The following KIF16B variants were observed in gnomAD, a reference collection of about 807,000 sequenced individuals.
KIF16B encodes kinesin-like protein KIF16B.
Under a neutral mutation model 156.3 loss-of-function variants are expected in KIF16B, and 98 were observed. The observed-to-expected ratio is 0.63, with a 90% CI of 0.53 to 0.74. The LOEUF (loss-of-function observed/expected upper bound fraction) is 0.74. Ranked by LOEUF, KIF16B falls within the 30% of genes least tolerant of loss-of-function variation. The probability of loss-of-function intolerance (pLI) is 0.00; values close to 1 mark genes in which losing one functional copy is unlikely to be tolerated. For synonymous variants in KIF16B, 564 were observed against 583.7 expected (o/e 0.97, Z 0.49); for missense variants, 1,421 against 1,606.5 (o/e 0.88, Z 1.97).
intron 7 of KIF16B, 25 bp downstream of exon 7, chr20:16,507,933 C>G: frequency 6.2e-7 from 1 of 1,613,492 alleles, no homozygotes; most frequent in South Asian, 1.1e-5. Context: ...GGGATGGAGC[C>G]AGCTGGTCCC....
At chr20:16,515,442 C>A in intron 4 of KIF16B, 106 bp downstream of exon 4, 1 of 624,080 alleles carries the variant, frequency 1.6e-6, no homozygotes, top group Non-Finnish European at 2.8e-6. Context: ...AAAGAATAAT[C>A]AGAACATGAA....
At chr20:16,374,499 G>A in intron 19 of KIF16B, 90 bp from the exon 20 acceptor site, 1 of 1,210,382 alleles carries the variant, frequency 8.3e-7, no homozygotes, top group Non-Finnish European at 1.1e-6. Context: ...TAGCATGGGG[G>A]AACAAGATCT....
intron 3 of KIF16B, among the ~76,000 whole-genome samples, chr20:16,524,885 A>G (rs1008666206): frequency 1.3e-5 from 2 of 152,216 alleles, no homozygotes; most frequent in African/African-American, 4.8e-5. Flanking sequence ...AGGGACTCGG[A>G]TGAAGCTGGA....
chr20:16,460,361 A>C (rs1302391711), intron 12 of KIF16B, among the ~76,000 whole-genome samples: 2 of 152,158 alleles, frequency 1.3e-5, no homozygotes, highest in Non-Finnish European at 2.9e-5. Context: ...CAGGTGGATC[A>C]CTTGAGGTTA....
At chr20:16,460,612 T>C (rs896380205) in intron 12 of KIF16B, among the ~76,000 whole-genome samples, 3 of 152,206 alleles carry the variant, frequency 2.0e-5, no homozygotes, top group African/African-American at 7.2e-5. Flanking sequence ...AAGCTGTCAT[T>C]TGAAAACAAA....
Position 16,336,020 on chromosome 20 carries a change from T to A in KIF16B, c.3622-5A>T, listed in dbSNP as rs773812823. On this transcript the variant is annotated splice_region_variant and splice_polypyrimidine_tract_variant and intron_variant, in intron 23 of 25. Transcript: ENST00000354981. ...TGTCTCATCTAGGACAGTAATCTAT[T>A]AACCAGGAAAACCAAAATGAATAAG... The A allele has an allele frequency of 3.2e-6, 5 of 1,572,130 alleles. No homozygotes were observed. The Admixed American group carries it at 7.5e-5, about 24-fold the overall frequency.
chr20:16,535,684 C>A (rs538374693), intron 1 of KIF16B, among the ~76,000 whole-genome samples: 6 of 151,954 alleles, frequency 3.9e-5, no homozygotes, highest in Admixed American at 6.6e-5. Context: ...GGGCAAAGGA[C>A]ATGAAGAGAC....
In KIF16B at chr20:16,273,260, G is replaced by T; in HGVS notation, c.3947C>A (p.Thr1316Lys). 6.2e-7 allele frequency: 1 copy of T among 1,613,870 alleles called. No individual in the cohort carries two copies. The highest frequency in any genetic ancestry group is 8.5e-7 in the Non-Finnish European group (1 of 1,179,806). ...KGVFDYSSHG[T>K]G ...CCTCCATCACCCCTGGCTCTACCCCGTCCCGTGGCTGCTGTAGTCAAAGAC... is the reference window on the plus strand; with the variant it reads ...CCTCCATCACCCCTGGCTCTACCCCTTCCCGTGGCTGCTGTAGTCAAAGAC... Residue 1316 changes from threonine (T) to lysine (K), a missense_variant, in exon 26 of 26, where the codon ACG (threonine) becomes AAG (lysine). Coordinates refer to ENST00000354981, the MANE Select transcript of KIF16B (RefSeq NM_024704.5).
chr20:16,350,033 T>C (rs1474892621), intron 23 of KIF16B, among the ~76,000 whole-genome samples: 2 of 152,256 alleles, frequency 1.3e-5, no homozygotes, highest in African/African-American at 4.8e-5. Context: ...TCATTACTCA[T>C]GTTTTCTCTG....
chr20:16,332,037 T>C (rs777558100), intron 24 of KIF16B, among the ~76,000 whole-genome samples: 2 of 152,158 alleles, frequency 1.3e-5, no homozygotes, highest in South Asian at 2.1e-4. Context: ...TTAAGCTTTA[T>C]CTTAAAAATG....
intron 12 of KIF16B, among the ~76,000 whole-genome samples, chr20:16,459,571 T>C (rs903406663): frequency 3.3e-5 from 5 of 152,178 alleles, no homozygotes; most frequent in African/African-American, 1.2e-4. Context: ...AGGTCTTTGG[T>C]GGGGCCTCTG....
chr20:16,463,727 T>C (rs888609160), intron 12 of KIF16B, among the ~76,000 whole-genome samples: 6 of 152,118 alleles, frequency 3.9e-5, no homozygotes, highest in Admixed American at 1.3e-4. Flanking sequence ...TTCCCAGAAA[T>C]TGAGAAAGTA....
At chr20:16,319,415 C>T (rs747003646) in intron 24 of KIF16B, among the ~76,000 whole-genome samples, 6 of 152,030 alleles carry the variant, frequency 3.9e-5, no homozygotes, top group Non-Finnish European at 8.8e-5. Flanking sequence ...ATCCTACACA[C>T]GAGGAGCTGA....
At chr20:16,494,605 T>C (rs1479421222) in intron 11 of KIF16B, among the ~76,000 whole-genome samples, 2 of 152,240 alleles carry the variant, frequency 1.3e-5, no homozygotes, top group African/African-American at 4.8e-5. Context: ...GCCTTTTTCA[T>C]GGTGTACTTA....
chr20:16,484,269 A>G (rs946602021), intron 12 of KIF16B, among the ~76,000 whole-genome samples: 3 of 152,228 alleles, frequency 2.0e-5, no homozygotes, highest in Non-Finnish European at 2.9e-5. Context: ...GAGAACTGCA[A>G]TGGAAAATAT....
At chr20:16,468,301 G>T (rs1039995406) in intron 12 of KIF16B, among the ~76,000 whole-genome samples, 3 of 152,200 alleles carry the variant, frequency 2.0e-5, no homozygotes, top group African/African-American at 7.2e-5. Flanking sequence ...GCCGGGCGCA[G>T]TGGCTCTTGT....
intron 1 of KIF16B, among the ~76,000 whole-genome samples, chr20:16,540,734 C>G (rs1222556493): frequency 1.3e-5 from 2 of 150,416 alleles, no homozygotes; most frequent in Non-Finnish European, 2.9e-5. Flanking sequence ...GAATTAGTTT[C>G]TCTGTTCCAC....
At chr20:16,540,217 G>A (rs759541159) in intron 1 of KIF16B, among the ~76,000 whole-genome samples, 11 of 152,202 alleles carry the variant, frequency 7.2e-5, no homozygotes, top group East Asian at 3.9e-4. Context: ...AATAATATGC[G>A]CGTCTATGAT....
chr20:16,557,126 T>C (rs1003729013), intron 1 of KIF16B, among the ~76,000 whole-genome samples: 104 of 147,058 alleles, frequency 7.1e-4, no homozygotes, highest in African/African-American at 2.4e-3. Context: ...ATATTAATCA[T>C]TAATACTATA....
Sources: gnomAD v4.1 joint callset for allele counts (sites outside exome capture counted in the v4.1 genomes callset) on GRCh38, gnomAD v4.1.1 for gene constraint, MANE v1.5 for transcripts, NCBI Gene and HGNC (gene_info 2026-07-23, HGNC 2026-07-21) for gene names.